Variants in ODF2L observed in about 807,000 individuals in gnomAD.
ODF2L encodes outer dense fiber of sperm tails 2 like, also known as protein BCAP.
ODF2L carries 76 observed loss-of-function variants against 86.3 expected under a neutral mutation model. That is an observed-to-expected ratio of 0.88 (90% CI 0.73 to 1.07). ODF2L has a LOEUF of 1.07. ODF2L is among the 50% of genes least tolerant of loss of function. ODF2L has a pLI of 0.00. For synonymous variants in ODF2L, 241 were observed against 231.3 expected (o/e 1.04, Z -0.38); for missense variants, 748 against 717.4 (o/e 1.04, Z -0.49).
At chr1:86,385,423 C>T in intron 3 of ODF2L, 35 bp downstream of exon 3, 1 of 1,338,616 alleles carries the variant, frequency 7.5e-7, no homozygotes, top group Non-Finnish European at 1.1e-6. Context: ...ATTATACTAG[C>T]TTTTCATTTT....
At chr1:86,379,501 A>C (rs1317679867) in intron 7 of ODF2L, among the ~76,000 whole-genome samples, 1 of 152,300 alleles carries the variant, frequency 6.6e-6, no homozygotes, top group East Asian at 1.9e-4. Context: ...AGTTTAAAAA[A>C]ACATAATTGA....
At chr1:86,363,996 A>G (rs1659223923) in intron 11 of ODF2L, among the ~76,000 whole-genome samples, 1 of 152,152 alleles carries the variant, frequency 6.6e-6, no homozygotes, top group East Asian at 1.9e-4. Flanking sequence ...TGCAAATAAC[A>G]TGTGCCAAAC....
At chr1:86,374,431 ATTT>A (rs1442751206) in intron 8 of ODF2L, among the ~76,000 whole-genome samples, 1 of 152,048 alleles carries the variant, frequency 6.6e-6, no homozygotes, top group African/African-American at 2.4e-5. Flanking sequence ...CTTCCTAGAG[ATTT>A]TTTGAGTTGG....
exon 18 of ODF2L, chr1:86,351,919 C>A: frequency 1.7e-6 from 2 of 1,167,970 alleles, no homozygotes; most frequent in Non-Finnish European, 2.1e-6. Flanking sequence ...CAGCAAAACC[C>A]ACCTCATTTA....
rs2101048319 is a variant in ODF2L, at chr1:86,372,672, TATACATGC to T, written c.811-140_811-133del. The T allele has an allele frequency of 5.9e-6, 3 of 504,442 alleles. No individual in the cohort carries two copies. In the Admixed American group the frequency reaches 1.2e-4, roughly 21 times the overall value. The allele number at this position is 504,442 out of a possible 1,614,324, so 31.2% of individuals were successfully genotyped here. ...GTATGGAACTTCAAATATAGAAAAC[TATACATGC>T]ATGTTTATAGCAGTGCAATTCATAA... On this transcript the variant is annotated intron_variant, in intron 8 of 17. Coordinates refer to ENST00000317336, the Ensembl canonical transcript of ODF2L.
chr1:86,362,179 T>C (rs1659085637), intron 11 of ODF2L, among the ~76,000 whole-genome samples: 2 of 151,258 alleles, frequency 1.3e-5, no homozygotes, highest in Admixed American at 1.3e-4. Flanking sequence ...AGAGAGGTAA[T>C]AGAAAATGAG....
chr1:86,393,583 A>T (rs1035592294), intron 1 of ODF2L, among the ~76,000 whole-genome samples: 11 of 152,244 alleles, frequency 7.2e-5, no homozygotes, highest in Non-Finnish European at 1.0e-4. Context: ...ATAATATAGG[A>T]AGAAGAGTTG....
At chr1:86,383,182 T>C (rs180759709) in exon 5 of ODF2L, 17 of 1,567,128 alleles carry the variant, frequency 1.1e-5, no homozygotes, top group Middle Eastern at 1.7e-4. Context: ...ACATGCTGGA[T>C]AAATTGTCTC....
At chr1:86,393,530 G>GA (rs1216341521) in intron 1 of ODF2L, among the ~76,000 whole-genome samples, 1 of 152,164 alleles carries the variant, frequency 6.6e-6, no homozygotes, top group Non-Finnish European at 1.5e-5. Flanking sequence ...TCTCTCCAAT[G>GA]AAAAAAGAAG....
downstream of ODF2L, chr1:86,347,061 A>T (rs1657842766): frequency 6.6e-6 from 1 of 152,236 alleles, no homozygotes; most frequent in Admixed American, 6.5e-5. Context: ...AATCAATCAT[A>T]GCAGCGCTGC....
rs1659749158 is a variant in ODF2L at position 86,370,956 on chromosome 1, TCTA to T, written c.1056+59_1056+61del. 4 of 1,087,962 alleles carry T rather than the reference TCTA, an allele frequency of 3.7e-6. No homozygotes were observed. In the South Asian group the frequency reaches 1.1e-4, roughly 29 times the overall value. 67.4% of individuals were successfully genotyped at this position (1,087,962 alleles called of 1,614,324 possible). On this transcript the variant is annotated intron_variant, in intron 10 of 17. Transcript: ENST00000317336. ...AAACATACTCTTTCTTCAAGCTATT[TCTA>T]CTAAGTAGACTATGGTCATTACACA...
chr1:86,368,587 T>C, intron 11 of ODF2L: 1 of 1,277,236 alleles, frequency 7.8e-7, no homozygotes, highest in Non-Finnish European at 1.0e-6. Context: ...TTTTATTTCC[T>C]GTGCTGATGA....
In ODF2L at chr1:86,354,876, A is replaced by AT; in HGVS notation, c.1519-18_1519-17insA. The AT allele has an allele frequency of 7.1e-7, 1 of 1,409,516 alleles. No individual in the cohort carries two copies. The highest frequency in any genetic ancestry group is 9.8e-7 in the Non-Finnish European group (1 of 1,015,400). The allele number at this position is 1,409,516 out of a possible 1,614,324, so 87.3% of individuals were successfully genotyped here. ...TCCATCAACCTAAAAGAAAAAAAAAAGTTTTCTTAGTCATTTTCTTCACAA... is the reference window on the plus strand; with the variant it reads ...TCCATCAACCTAAAAGAAAAAAAAAATGTTTTCTTAGTCATTTTCTTCACAA... On this transcript the variant is annotated splice_polypyrimidine_tract_variant and intron_variant, in intron 14 of 17. Coordinates refer to ENST00000317336, the Ensembl canonical transcript of ODF2L.
chr1:86,354,255 T>C (rs1658362063), intron 16 of ODF2L, among the ~76,000 whole-genome samples: 1 of 152,232 alleles, frequency 6.6e-6, no homozygotes, highest in South Asian at 2.1e-4. Context: ...TCAATTTGGT[T>C]GTATATAAAA....
chr1:86,349,185 T>G (rs557188411), downstream of ODF2L: 1 of 163,010 alleles, frequency 6.1e-6, no homozygotes, highest in African/African-American at 2.4e-5. Flanking sequence ...TAACATGATA[T>G]ATTTTCATAC....
At chr1:86,385,534 G>C (rs752999783) in exon 3 of ODF2L, 2 of 1,606,820 alleles carry the variant, frequency 1.2e-6, no homozygotes, top group East Asian at 4.5e-5. Flanking sequence ...TACCAACTCC[G>C]CTTCCTTAAG....
chr1:86,358,861 C>G, exon 13 of ODF2L: 1 of 1,541,130 alleles, frequency 6.5e-7, no homozygotes, highest in Non-Finnish European at 8.8e-7. Flanking sequence ...CTGCTTTTTA[C>G]TATTTCAGCT....
At chr1:86,375,002 A>C (rs1482459857) in intron 8 of ODF2L, 1 of 152,166 alleles carries the variant, frequency 6.6e-6, no homozygotes, top group East Asian at 1.9e-4. Context: ...ATAAAACAAA[A>C]CACAACAGCA....
Position 86,352,055 on chromosome 1 carries a change from G to A in ODF2L, c.*136C>T, listed in dbSNP as rs371856267. The A allele has an allele frequency of 6.8e-6, 9 of 1,314,454 alleles. No homozygotes were observed. The South Asian group carries it at 7.6e-5, about 11-fold the overall frequency. 81.4% of individuals were successfully genotyped at this position (1,314,454 alleles called of 1,614,324 possible). On this transcript the variant is annotated 3_prime_UTR_variant, in exon 18 of 18. Transcript: ENST00000317336. ...GGCCTGTGCTAAATTAAAGGTGATC[G>A]ACGTTTTGTTCTGACTAAGTTGTCA... is the stretch of plus-strand genomic sequence containing the variant.
Sources: allele counts gnomAD v4.1 joint callset (sites outside exome capture counted in the v4.1 genomes callset), GRCh38; gene constraint gnomAD v4.1.1; transcripts MANE v1.5; gene names NCBI Gene and HGNC (gene_info 2026-07-23, HGNC 2026-07-21).